The following GRIK4 variants were observed in gnomAD, a reference collection of about 807,000 sequenced individuals.
GRIK4 encodes the protein glutamate receptor ionotropic, kainate 4.
Under a neutral mutation model 104.9 loss-of-function variants are expected in GRIK4, and 40 were observed. The observed-to-expected ratio is 0.38, with a 90% CI of 0.30 to 0.50. The LOEUF (loss-of-function observed/expected upper bound fraction) is 0.50. Ranked by LOEUF, GRIK4 falls within the 20% of genes least tolerant of loss-of-function variation. The probability of loss-of-function intolerance (pLI) is 0.93; values close to 1 mark genes in which losing one functional copy is unlikely to be tolerated. For synonymous variants in GRIK4, 485 were observed against 524.9 expected (o/e 0.92, Z 1.04); for missense variants, 1,047 against 1,308.1 (o/e 0.80, Z 3.08).
chr11:120,631,914 A>C (rs970908610), intron 1 of GRIK4, among the ~76,000 whole-genome samples: 1 of 152,074 alleles, frequency 6.6e-6, no homozygotes. Flanking sequence ...GAGAACACCA[A>C]CTTGGAGTCA....
chr11:120,875,684 C>G (rs2135684271), intron 11 of GRIK4, among the ~76,000 whole-genome samples: 1 of 152,234 alleles, frequency 6.6e-6, no homozygotes, highest in African/African-American at 2.4e-5. Context: ...CAACCCACAG[C>G]TCCCACCCCC....
intron 1 of GRIK4, among the ~76,000 whole-genome samples, chr11:120,603,404 C>T (rs1233986954): frequency 6.6e-6 from 1 of 152,352 alleles, no homozygotes; most frequent in East Asian, 1.9e-4. Context: ...CCATAGAAGT[C>T]AGCAAACACT....
chr11:120,733,590 G>A (rs201803356), intron 3 of GRIK4, among the ~76,000 whole-genome samples: 1 of 146,416 alleles, frequency 6.8e-6, no homozygotes, highest in Non-Finnish European at 1.5e-5. Context: ...AAACTAACAA[G>A]CAAGAAGAAA....
At chr11:120,768,735 G>C (rs1951885759) in intron 3 of GRIK4, among the ~76,000 whole-genome samples, 1 of 152,148 alleles carries the variant, frequency 6.6e-6, no homozygotes, top group Non-Finnish European at 1.5e-5. Flanking sequence ...AAACTGTTAA[G>C]AGGTTTTATC....
At chr11:120,947,925 A>G (rs1943902197) in intron 14 of GRIK4, among the ~76,000 whole-genome samples, 1 of 152,184 alleles carries the variant, frequency 6.6e-6, no homozygotes, top group Non-Finnish European at 1.5e-5. Flanking sequence ...CAGTAAGTGA[A>G]AATAGATACA....
intron 7 of GRIK4, among the ~76,000 whole-genome samples, chr11:120,836,436 A>G (rs1275748335): frequency 6.6e-6 from 1 of 152,154 alleles, no homozygotes; most frequent in Non-Finnish European, 1.5e-5. Flanking sequence ...TGTGGAGATC[A>G]TTATTGTAGT....
rs912208662 is a variant in GRIK4 at position 120,910,427 on chromosome 11, G to A, written c.1476+4934G>A. Among the ~76,000 whole-genome samples, 5 of 152,348 alleles carry A rather than the reference G, an allele frequency of 3.3e-5. No homozygotes were observed. In the South Asian group the frequency reaches 6.2e-4, roughly 19 times the overall value. On this transcript the variant is annotated intron_variant, in intron 13 of 20. Transcript: ENST00000527524. ...CCAGTTGGGTGGCCTCTCACCCTGG[G>A]GCTGTGTCTGGGCAGTGGAGATGAG...
chr11:120,607,811 G>T (rs934122369), intron 1 of GRIK4, among the ~76,000 whole-genome samples: 1 of 152,110 alleles, frequency 6.6e-6, no homozygotes, highest in African/African-American at 2.4e-5. Flanking sequence ...AAAGAGCTGG[G>T]AAACACAGGA....
At chr11:120,845,283 G>A (rs1005791764) in intron 8 of GRIK4, among the ~76,000 whole-genome samples, 2 of 152,134 alleles carry the variant, frequency 1.3e-5, no homozygotes, top group African/African-American at 2.4e-5. Context: ...ATGTACATGC[G>A]GCAAGTTACT....
chr11:120,714,874 C>A (rs774169362), intron 3 of GRIK4, among the ~76,000 whole-genome samples: 1 of 152,088 alleles, frequency 6.6e-6, no homozygotes, highest in Non-Finnish European at 1.5e-5. Context: ...AAGGAGGGTT[C>A]GGCTTTAGCC....
intron 1 of GRIK4, among the ~76,000 whole-genome samples, chr11:120,621,310 G>A (rs145134653): frequency 6.6e-6 from 1 of 152,186 alleles, no homozygotes; most frequent in Non-Finnish European, 1.5e-5. Flanking sequence ...GGCCTGCAAG[G>A]CCCCCTGCTA....
chr11:120,663,706 C>T (rs1235708442), intron 3 of GRIK4, among the ~76,000 whole-genome samples: 3 of 152,164 alleles, frequency 2.0e-5, no homozygotes, highest in Non-Finnish European at 4.4e-5. Flanking sequence ...GGAGGATTTA[C>T]TCCCAGCTTT....
At chr11:120,798,108 G>A (rs1276856215) in intron 3 of GRIK4, among the ~76,000 whole-genome samples, 1 of 140,292 alleles carries the variant, frequency 7.1e-6, no homozygotes, top group Non-Finnish European at 1.5e-5. Context: ...TAGCCATCTT[G>A]TTCTATCCTC....
Position 120,645,539 on chromosome 11 carries a change from G to A in GRIK4, c.-158-8146G>A, listed in dbSNP as rs142221298. Among the ~76,000 whole-genome samples the A allele has an allele frequency of 9.2e-5, 14 of 152,286 alleles. No individual in the cohort carries two copies. The East Asian group carries it at 2.7e-3, about 29-fold the overall frequency. ...CATGTCGGGGGCTTAATATCAAAGA[G>A]GCTGCCTTCCTATGGTTGGATCACC... On this transcript the variant is annotated intron_variant, in intron 1 of 20. Transcript: ENST00000527524.
intron 3 of GRIK4, among the ~76,000 whole-genome samples, chr11:120,777,897 A>T (rs557485642): frequency 7.9e-5 from 12 of 151,070 alleles, no homozygotes; most frequent in African/African-American, 2.9e-4. Flanking sequence ...AGGTAGCACC[A>T]CTGCACTCCA....
At chr11:120,977,200 G>T (rs1286977722) in intron 19 of GRIK4, among the ~76,000 whole-genome samples, 4 of 152,232 alleles carry the variant, frequency 2.6e-5, no homozygotes, top group Non-Finnish European at 4.4e-5. Flanking sequence ...GCAACTGATT[G>T]CTGGGGCACA....
At chr11:120,617,236 C>T (rs1949128476) in intron 1 of GRIK4, among the ~76,000 whole-genome samples, 1 of 152,174 alleles carries the variant, frequency 6.6e-6, no homozygotes, top group Admixed American at 6.5e-5. Context: ...CTTTGCTTTC[C>T]ATTGTTTTCT....
At chr11:120,748,929 A>G (rs1441615752) in intron 3 of GRIK4, among the ~76,000 whole-genome samples, 1 of 152,194 alleles carries the variant, frequency 6.6e-6, no homozygotes, top group Non-Finnish European at 1.5e-5. Context: ...TAGTGGTGCT[A>G]CAGCCACAAA....
intron 14 of GRIK4, among the ~76,000 whole-genome samples, chr11:120,949,196 G>A (rs1194776326): frequency 1.3e-5 from 2 of 152,128 alleles, no homozygotes; most frequent in Non-Finnish European, 2.9e-5. Flanking sequence ...GGGGTTTAAT[G>A]CCACTTCATA....
Sources: gnomAD v4.1 joint callset for allele counts (sites outside exome capture counted in the v4.1 genomes callset) on GRCh38, gnomAD v4.1.1 for gene constraint, MANE v1.5 for transcripts, NCBI Gene and HGNC (gene_info 2026-07-23, HGNC 2026-07-21) for gene names.